Variants in FAM168A observed in about 807,000 individuals in gnomAD.
FAM168A encodes the protein family with sequence similarity 168 member A, also known as protein FAM168A.
Under a neutral mutation model 28.5 loss-of-function variants are expected in FAM168A, and 3 were observed. The ratio of observed to expected loss-of-function variants is 0.11; its 90% CI spans 0.05 to 0.27. The LOEUF is 0.27. Ranked by LOEUF, FAM168A falls within the 10% of genes least tolerant of loss-of-function variation. The pLI is 1.00. For synonymous variants in FAM168A, 122 were observed against 124.2 expected (o/e 0.98, Z 0.12); for missense variants, 222 against 311.5 (o/e 0.71, Z 2.16).
At chr11:73,441,929 A>C (rs1195826278) in intron 2 of FAM168A, among the ~76,000 whole-genome samples, 1 of 152,186 alleles carries the variant, frequency 6.6e-6, no homozygotes, top group Non-Finnish European at 1.5e-5. Flanking sequence ...GCTAAAGCTA[A>C]AAAGGTTTGT....
At chr11:73,580,283 A>G (rs1944227925) in intron 1 of FAM168A, 1 of 564,170 alleles carries the variant, frequency 1.8e-6, no homozygotes, top group African/African-American at 1.9e-5. Context: ...GGGATGCTAA[A>G]GGAGATAAAG....
chr11:73,409,057 C>T (rs1363590657), intron 6 of FAM168A, among the ~76,000 whole-genome samples: 4 of 152,094 alleles, frequency 2.6e-5, no homozygotes, highest in Non-Finnish European at 5.9e-5. Flanking sequence ...AACCTAACCA[C>T]ATCCCTGCCC....
intron 2 of FAM168A, among the ~76,000 whole-genome samples, chr11:73,458,499 T>C (rs988601867): frequency 6.6e-6 from 1 of 152,222 alleles, no homozygotes; most frequent in East Asian, 1.9e-4. Context: ...TCACTGCTTA[T>C]ATGGACTACA....
intron 4 of FAM168A, among the ~76,000 whole-genome samples, chr11:73,419,090 A>G (rs11235748): frequency 0.13 from 19,456 of 152,114 alleles, 1,579 homozygotes; most frequent in South Asian, 0.28. Context: ...GATTACAGGC[A>G]TGAGCCACCG....
intron 1 of FAM168A, among the ~76,000 whole-genome samples, chr11:73,557,623 T>C (rs7931232): frequency 1.6e-3 from 243 of 152,214 alleles, no homozygotes; most frequent in African/African-American, 5.6e-3. Context: ...ACAGATCTTA[T>C]CAAAAGTCCA....
chr11:73,432,635 C>T (rs185210487), intron 2 of FAM168A, among the ~76,000 whole-genome samples: 6 of 152,154 alleles, frequency 3.9e-5, no homozygotes, highest in African/African-American at 7.2e-5. Flanking sequence ...ATTATTTGGC[C>T]GGGCGCGGTG....
At chr11:73,532,869 G>A (rs1363473624) in intron 1 of FAM168A, among the ~76,000 whole-genome samples, 2 of 152,196 alleles carry the variant, frequency 1.3e-5, no homozygotes, top group Non-Finnish European at 2.9e-5. Context: ...ATTTTTTCAG[G>A]TGAACTTGGA....
At chr11:73,423,668 T>C (rs1222606573) in intron 3 of FAM168A, among the ~76,000 whole-genome samples, 2 of 152,198 alleles carry the variant, frequency 1.3e-5, no homozygotes, top group Non-Finnish European at 2.9e-5. Context: ...CTACGAAGCC[T>C]TTCCTTCTCC....
rs781235766 is a variant in FAM168A, at chr11:73,510,709, G to T, written c.-18-42217C>A. 4 of 367,518 alleles carry T rather than the reference G, an allele frequency of 1.1e-5. No individual in the cohort carries two copies. In the East Asian group the frequency reaches 1.5e-4, roughly 14 times the overall value. The allele number at this position is 367,518 out of a possible 1,614,324, so 22.8% of individuals were successfully genotyped here. On this transcript the variant is annotated intron_variant, in intron 1 of 7. Transcript: ENST00000356467. ...TTCCCATATTGTAACTTATTACTCCGGAAAAAAAGAACCATTTGGATATAT... is the reference window on the plus strand; with the variant it reads ...TTCCCATATTGTAACTTATTACTCCTGAAAAAAAGAACCATTTGGATATAT...
At chr11:73,510,774 G>A in intron 1 of FAM168A, 1 of 377,134 alleles carries the variant, frequency 2.7e-6, no homozygotes, top group Non-Finnish European at 4.7e-6. Flanking sequence ...GCTTCCTAGG[G>A]TTTATTGTGT....
intron 2 of FAM168A, among the ~76,000 whole-genome samples, chr11:73,458,441 A>C (rs2134559243): frequency 6.6e-6 from 1 of 152,312 alleles, no homozygotes; most frequent in South Asian, 2.1e-4. Context: ...ACAAGGTTTA[A>C]TCCATCTGCT....
intron 1 of FAM168A, among the ~76,000 whole-genome samples, chr11:73,501,969 C>T (rs536708720): frequency 5.3e-5 from 8 of 152,030 alleles, no homozygotes; most frequent in East Asian, 1.9e-4. Flanking sequence ...GGTGTGGTGG[C>T]GGGCGCCTGT....
intron 1 of FAM168A, among the ~76,000 whole-genome samples, chr11:73,473,521 G>A (rs776195212): frequency 3.3e-5 from 5 of 152,172 alleles, no homozygotes; most frequent in Non-Finnish European, 5.9e-5. Flanking sequence ...ATGGCCTGAT[G>A]TGCCTACCTC....
intron 1 of FAM168A, among the ~76,000 whole-genome samples, chr11:73,481,013 C>T (rs1010651864): frequency 6.6e-6 from 1 of 152,164 alleles, no homozygotes; most frequent in Admixed American, 6.5e-5. Flanking sequence ...TTAATACCAT[C>T]GTTCTCCATC....
chr11:73,556,455 CTA>C (rs1943890488), intron 1 of FAM168A, among the ~76,000 whole-genome samples: 1 of 150,828 alleles, frequency 6.6e-6, no homozygotes, highest in Non-Finnish European at 1.5e-5. Context: ...AAGACAAATC[CTA>C]TATGATTCTA....
intron 4 of FAM168A, among the ~76,000 whole-genome samples, chr11:73,419,339 T>C (rs1003072187): frequency 9.9e-5 from 15 of 152,216 alleles, no homozygotes; most frequent in African/African-American, 3.4e-4. Context: ...AGGGCAATTT[T>C]GCCCCATAAG....
intron 2 of FAM168A, among the ~76,000 whole-genome samples, chr11:73,437,101 C>CT (rs540297714): frequency 0.031 from 4,467 of 145,880 alleles, 211 homozygotes; most frequent in African/African-American, 0.1. Context: ...TGCCAGCATA[C>CT]TTTTTTTTTT....
chr11:73,529,059 C>T (rs1943483020), intron 1 of FAM168A, among the ~76,000 whole-genome samples: 1 of 152,146 alleles, frequency 6.6e-6, no homozygotes, highest in African/African-American at 2.4e-5. Context: ...GTGTCTGAAG[C>T]TCAAGCTCTA....
intron 1 of FAM168A, among the ~76,000 whole-genome samples, chr11:73,544,900 A>G (rs1277393338): frequency 1.1e-5 from 1 of 91,242 alleles, no homozygotes; most frequent in African/African-American, 5.3e-5. Context: ...TATAAAATAT[A>G]TTATATAATA....
Sources: gnomAD v4.1 joint callset for allele counts (sites outside exome capture counted in the v4.1 genomes callset) on GRCh38, gnomAD v4.1.1 for gene constraint, MANE v1.5 for transcripts, NCBI Gene and HGNC (gene_info 2026-07-23, HGNC 2026-07-21) for gene names.